BPTF: variants seen among roughly 807,000 people sequenced by gnomAD.
BPTF encodes nucleosome-remodeling factor subunit BPTF.
BPTF carries 18 observed loss-of-function variants against 292.5 expected under a neutral mutation model. That is an observed-to-expected ratio of 0.06 (90% CI 0.04 to 0.09). BPTF has a LOEUF of 0.09. Ranked by LOEUF, BPTF falls within the 10% of genes least tolerant of loss-of-function variation. The probability of loss-of-function intolerance (pLI) is 1.00; values close to 1 mark genes in which losing one functional copy is unlikely to be tolerated. For synonymous variants in BPTF, 1,225 were observed against 1,251.9 expected, an observed-to-expected ratio of 0.98 and a Z score of 0.45; for missense variants, 2,726 against 3,498.7, an observed-to-expected ratio of 0.78 and a Z score of 5.57.
intron 3 of BPTF, among the ~76,000 whole-genome samples, chr17:67,868,734 A>G (rs551428165): frequency 1.4e-4 from 21 of 152,318 alleles, no homozygotes; most frequent in Admixed American, 2.6e-4. Context: ...TAAAAATAGA[A>G]TGTTTATATT....
At position 67,912,973 on chromosome 17, in the gene BPTF, A is replaced by G; in HGVS notation, c.5089A>G (p.Lys1697Glu). Residue 1697 changes from lysine to glutamate, a missense_variant, in exon 11 of 28, where the codon AAG (lysine) becomes GAG (glutamate). Physicochemically the swap from Lys to Glu is moderately conservative, Grantham distance 56. Around this residue, in one of 22 missense-constraint regions of BPTF, gnomAD observed 144 missense variants for 177.2 expected, o/e 0.81. Transcript: ENST00000306378. ...GAAACTGATGAAATTTTCAAGACCA[A>G]AGAAGACTCGTTCAGGTACAGCTCT... is the stretch of plus-strand genomic sequence containing the variant. ...KVKLMKFSRP[K>E]KTRSGTALPS... 2 of 1,614,198 alleles carry G rather than the reference A, an allele frequency of 1.2e-6. No homozygotes were observed. Among genetic ancestry groups the G allele is most frequent in the Non-Finnish European group, 8.5e-7 (1 of 1,180,026 alleles).
intron 19 of BPTF, among the ~76,000 whole-genome samples, chr17:67,941,807 G>C (rs1427478312): frequency 6.6e-6 from 1 of 152,090 alleles, no homozygotes; most frequent in Non-Finnish European, 1.5e-5. Context: ...TAAACAGATA[G>C]AAAATGCTAA....
intron 4 of BPTF, chr17:67,886,251 C>T: frequency 6.2e-7 from 1 of 1,613,994 alleles, no homozygotes; most frequent in Non-Finnish European, 8.5e-7. Flanking sequence ...TCTGCTAAGG[C>T]AGCTGATGAT....
chr17:67,849,498 A>C (rs2058252643), intron 1 of BPTF, among the ~76,000 whole-genome samples: 1 of 152,138 alleles, frequency 6.6e-6, no homozygotes, highest in Admixed American at 6.6e-5. Context: ...ATGAATAGCA[A>C]GGTTTGAAGG....
At chr17:67,953,425 T>A (rs2148127319) in intron 23 of BPTF, among the ~76,000 whole-genome samples, 1 of 150,380 alleles carries the variant, frequency 6.6e-6, no homozygotes, top group African/African-American at 2.5e-5. Flanking sequence ...TCGGCTAATT[T>A]TTTTTTGTTT....
At position 67,826,305 on chromosome 17, in the gene BPTF, T is replaced by G. The variant is rs1292339242; in HGVS notation, c.581T>G (p.Phe194Cys). Residue 194 changes from phenylalanine to cysteine, a missense_variant, in exon 1 of 28, where the codon TTC becomes TGC. Coordinates refer to ENST00000306378, the MANE Select transcript of BPTF (RefSeq NM_182641.4). ...DDASYCTESS[F>C]RSHSTYSSTP... Reference sequence around the variant, plus strand: ...GCCAGTTACTGCACGGAAAGCAGCTTCAGGAGCCATAGTACCTACAGCAGC... The same window carrying G: ...GCCAGTTACTGCACGGAAAGCAGCTGCAGGAGCCATAGTACCTACAGCAGC... 1 of 1,612,266 alleles carries G rather than the reference T, an allele frequency of 6.2e-7. No individual in the cohort carries two copies. Among genetic ancestry groups the G allele is most frequent in the Non-Finnish European group, 8.5e-7 (1 of 1,179,660 alleles).
At position 67,854,076 on chromosome 17, in the gene BPTF, C is replaced by T. The variant is rs771474327; in HGVS notation, c.750C>T (p.Tyr250=). ...NEHIMNVIAI[Y]EVLRNFGTVL... ...ATATAATGAATGTCATTGCCATTTA[C>T]GAGGTACTGCGGAACTTTGGCACTG... Residue 250 remains tyrosine (Y), a synonymous_variant, in exon 2 of 28, where the codon TAC becomes TAT. Coordinates refer to ENST00000306378, the MANE Select transcript of BPTF (RefSeq NM_182641.4). This position sits in a 1 kb window ranked among gnomAD's most constrained non-coding sequence, Gnocchi z 5.6. 10 of 1,614,120 alleles carry T rather than the reference C, an allele frequency of 6.2e-6. No homozygotes were observed. The highest frequency in any genetic ancestry group is 2.2e-5 in the East Asian group (1 of 44,880).
intron 16 of BPTF, chr17:67,928,985 A>G: frequency 8.5e-7 from 1 of 1,181,670 alleles, no homozygotes. Context: ...CACATCTGCT[A>G]CAACCATTGC....
At chr17:67,919,084 A>G (rs1168103424) in intron 12 of BPTF, among the ~76,000 whole-genome samples, 1 of 151,450 alleles carries the variant, frequency 6.6e-6, no homozygotes, top group Non-Finnish European at 1.5e-5. Flanking sequence ...AGGCAGGAGA[A>G]TGGCGTGAAC....
rs556265544 is a variant in BPTF, at chr17:67,855,529, G to A, written c.1436+767G>A. 1.7e-4 allele frequency among the ~76,000 whole-genome samples: 26 copies of A among 152,280 alleles called. 1 individual carries two copies. Among genetic ancestry groups the A allele is most frequent in the African/African-American group, 5.3e-4 (22 of 41,552 alleles). On this transcript the variant is annotated intron_variant, in intron 2 of 27. Transcript: ENST00000306378. ...TGCCATTATTGGTTGGAATCCCCCA[G>A]GAGAAGATGATCCCAACAGACTGAG...
chr17:67,975,533 C>A (rs908893600), intron 26 of BPTF: 1 of 413,032 alleles, frequency 2.4e-6, no homozygotes, highest in African/African-American at 2.0e-5. Flanking sequence ...TGTGCAGTTA[C>A]CTGAAAGTAA....
chr17:67,924,708 A>G (rs2063727513), intron 15 of BPTF, 119 bp downstream of exon 15: 1 of 1,155,058 alleles, frequency 8.7e-7, no homozygotes, highest in Non-Finnish European at 1.3e-6. Context: ...GACAACATAC[A>G]TACATTTTTT....
chr17:67,975,782 C>A lies in BPTF; in HGVS notation c.8550C>A (p.Thr2850=). The A allele has an allele frequency of 6.2e-7, 1 of 1,609,116 alleles. No individual in the cohort carries two copies. The highest frequency in any genetic ancestry group is 8.5e-7 in the Non-Finnish European group (1 of 1,178,644). The part of the protein sequence containing the change: ...GVIKEPMDLA[T]MEERVQRRYY... ...TTTTGTGTTTTTAAGACCTTGCCAC[C>A]ATGGAAGAAAGAGTACAAAGACGAT... Residue 2850 remains threonine (T), a synonymous_variant, in exon 27 of 28, where the codon ACC becomes ACA. Transcript: ENST00000306378.
intron 24 of BPTF, chr17:67,963,289 C>T (rs1555684981): frequency 2.7e-6 from 4 of 1,479,242 alleles, no homozygotes; most frequent in Non-Finnish European, 3.6e-6. Flanking sequence ...CCATGCAGCT[C>T]AAAATGACAA....
At chr17:67,973,198 C>T (rs1018011812) in intron 26 of BPTF, among the ~76,000 whole-genome samples, 7 of 150,032 alleles carry the variant, frequency 4.7e-5, no homozygotes, top group African/African-American at 1.7e-4. Flanking sequence ...CACGGTGAAA[C>T]CCCGTCTCTA....
At position 67,843,217 on chromosome 17, in the gene BPTF, G is replaced by C. The variant is rs773964244; in HGVS notation, c.614-10723G>C. On this transcript the variant is annotated intron_variant, in intron 1 of 27. Coordinates refer to ENST00000306378, the MANE Select transcript of BPTF (RefSeq NM_182641.4). Reference sequence around the variant, plus strand: ...ATCTACATACATGTAGATGTATGTAGATATATACCTATATATCTACATACA... The same window carrying C: ...ATCTACATACATGTAGATGTATGTACATATATACCTATATATCTACATACA... 1.9e-4 allele frequency among the ~76,000 whole-genome samples: 27 copies of C among 144,558 alleles called. No homozygotes were observed. In the East Asian group the frequency reaches 2.1e-3, roughly 11 times the overall value. The allele number at this position is 144,558 out of a possible 152,430, so 94.8% of individuals were successfully genotyped here. A position where few individuals can be genotyped will look rare whatever the true frequency, so the allele number is the denominator to read the frequency against.
intron 8 of BPTF, 102 bp from the exon 9 acceptor site, chr17:67,904,600 G>A: frequency 1.1e-6 from 1 of 897,028 alleles, no homozygotes; most frequent in Non-Finnish European, 1.6e-6. Context: ...AATTTCATTT[G>A]CCTGACTTTG....
intron 3 of BPTF, among the ~76,000 whole-genome samples, chr17:67,870,001 C>CAAAA (rs59327152): frequency 1.0e-4 from 6 of 59,192 alleles, no homozygotes; most frequent in African/African-American, 1.7e-4. Flanking sequence ...GACTCCGTCT[C>CAAAA]AAAAAAAAAA....
intron 3 of BPTF, among the ~76,000 whole-genome samples, chr17:67,874,319 A>G (rs1459286019): frequency 6.6e-6 from 1 of 152,202 alleles, no homozygotes; most frequent in Non-Finnish European, 1.5e-5. Flanking sequence ...AGTTGTTTCC[A>G]AAAGGGCCTC....
Sources: allele counts gnomAD v4.1 joint callset (sites outside exome capture counted in the v4.1 genomes callset), GRCh38; gene constraint gnomAD v4.1.1; regional missense constraint gnomAD v4.1.1; non-coding constraint Gnocchi (gnomAD v3.1); transcripts MANE v1.5; gene names NCBI Gene and HGNC (gene_info 2026-07-23, HGNC 2026-07-21).